The following PKP4 variants were observed in gnomAD, a reference collection of about 807,000 sequenced individuals.
PKP4 encodes plakophilin-4.
In PKP4, 90 loss-of-function variants were observed where a neutral mutation model predicts 145.1. The observed-to-expected ratio is 0.62, with a 90% CI of 0.52 to 0.74. PKP4 has a LOEUF of 0.74. Ranked by LOEUF, PKP4 falls within the 30% of genes least tolerant of loss-of-function variation. The pLI is 0.00. For synonymous variants in PKP4, 563 were observed against 577.2 expected, an observed-to-expected ratio of 0.98 and a Z score of 0.35; for missense variants, 1,340 against 1,482.7, an observed-to-expected ratio of 0.90 and a Z score of 1.58.
At chr2:158,585,857 C>T (rs1460131806) in intron 3 of PKP4, among the ~76,000 whole-genome samples, 1 of 149,404 alleles carries the variant, frequency 6.7e-6, no homozygotes, top group East Asian at 2.0e-4. Flanking sequence ...GCAACCATCA[C>T]CACTACTTAA....
rs1436430381 is a variant in PKP4, at chr2:158,620,370, A to G, written c.281-620A>G. Among the ~76,000 whole-genome samples, 3 of 152,288 alleles carry G rather than the reference A, an allele frequency of 2.0e-5. No individual in the cohort carries two copies. The East Asian group carries it at 5.8e-4, about 29-fold the overall frequency. ...ATGGTACTGTTAAATTAAAGCAGATAATGGAAGAGATGAGTTTGGCTGGAA... is the reference window on the plus strand; with the variant it reads ...ATGGTACTGTTAAATTAAAGCAGATGATGGAAGAGATGAGTTTGGCTGGAA... On this transcript the variant is annotated intron_variant, in intron 4 of 21. Transcript: ENST00000389759.
At chr2:158,576,344 T>G (rs1319599506) in intron 2 of PKP4, among the ~76,000 whole-genome samples, 1 of 152,240 alleles carries the variant, frequency 6.6e-6, no homozygotes, top group Non-Finnish European at 1.5e-5. Flanking sequence ...GAACTAGCAG[T>G]CATCAAATTA....
chr2:158,584,523 G>T (rs2048630665), intron 3 of PKP4, among the ~76,000 whole-genome samples: 1 of 152,144 alleles, frequency 6.6e-6, no homozygotes, highest in African/African-American at 2.4e-5. Flanking sequence ...TTCTTGTGTA[G>T]CAAAACTGGA....
chr2:158,542,198 T>C (rs1179201688), intron 2 of PKP4, among the ~76,000 whole-genome samples: 2 of 152,200 alleles, frequency 1.3e-5, no homozygotes, highest in Non-Finnish European at 2.9e-5. Flanking sequence ...ACTGGAGATT[T>C]CCCATTGTCC....
chr2:158,509,577 G>A (rs1342139873), intron 1 of PKP4, among the ~76,000 whole-genome samples: 1 of 152,156 alleles, frequency 6.6e-6, no homozygotes, highest in Non-Finnish European at 1.5e-5. Flanking sequence ...ATTATTGGTG[G>A]AATTATAGCT....
intron 2 of PKP4, among the ~76,000 whole-genome samples, chr2:158,544,809 A>G (rs2044835047): frequency 6.6e-6 from 1 of 152,204 alleles, no homozygotes; most frequent in South Asian, 2.1e-4. Context: ...TGCAGAAGAC[A>G]AACACTGTGT....
At chr2:158,467,881 AATAG>A (rs1690897348) in intron 1 of PKP4, among the ~76,000 whole-genome samples, 1 of 152,120 alleles carries the variant, frequency 6.6e-6, no homozygotes, top group Non-Finnish European at 1.5e-5. Flanking sequence ...ATATTATATA[AATAG>A]ATTTATAAAG....
At chr2:158,579,184 T>C (rs2048117021) in intron 3 of PKP4, among the ~76,000 whole-genome samples, 1 of 152,124 alleles carries the variant, frequency 6.6e-6, no homozygotes, top group Non-Finnish European at 1.5e-5. Context: ...CACAGTGAGA[T>C]AGTATAAAAC....
At chr2:158,528,474 C>T (rs867406970) in intron 1 of PKP4, among the ~76,000 whole-genome samples, 1 of 73,936 alleles carries the variant, frequency 1.4e-5, no homozygotes, top group South Asian at 5.4e-4. Context: ...ATATCACACT[C>T]TGGGGACTGT....
At chr2:158,576,487 A>G (rs72937002) in intron 2 of PKP4, among the ~76,000 whole-genome samples, 1 of 152,268 alleles carries the variant, frequency 6.6e-6, no homozygotes, top group Admixed American at 6.5e-5. Context: ...ATAACATGAC[A>G]TGTTTTCTAC....
intron 9 of PKP4, among the ~76,000 whole-genome samples, chr2:158,637,951 T>C (rs1296150606): frequency 6.6e-6 from 1 of 152,238 alleles, no homozygotes; most frequent in Non-Finnish European, 1.5e-5. Context: ...ATTGCCCAGC[T>C]CTGGCAGGAG....
chr2:158,553,838 T>C (rs1212235841), intron 2 of PKP4, among the ~76,000 whole-genome samples: 1 of 152,182 alleles, frequency 6.6e-6, no homozygotes, highest in East Asian at 1.9e-4. Flanking sequence ...CTCCAGGATG[T>C]ATTATACTCA....
intron 1 of PKP4, among the ~76,000 whole-genome samples, chr2:158,478,529 A>G (rs949706760): frequency 6.6e-5 from 10 of 152,240 alleles, no homozygotes; most frequent in Admixed American, 3.9e-4. Flanking sequence ...TGCCTTGGCA[A>G]TAGCTCATCG....
intron 9 of PKP4, among the ~76,000 whole-genome samples, chr2:158,640,045 T>A (rs1017234609): frequency 1.3e-5 from 2 of 152,344 alleles, no homozygotes; most frequent in Admixed American, 6.5e-5. Context: ...TGCACACATA[T>A]ATAGAAAAAC....
intron 4 of PKP4, among the ~76,000 whole-genome samples, chr2:158,618,957 G>C (rs2051926402): frequency 6.6e-6 from 1 of 152,112 alleles, no homozygotes; most frequent in Non-Finnish European, 1.5e-5. Flanking sequence ...TTCCAAGACA[G>C]AACATTTTTC....
intron 1 of PKP4, among the ~76,000 whole-genome samples, chr2:158,470,361 C>T (rs1691361020): frequency 6.6e-6 from 1 of 152,156 alleles, no homozygotes; most frequent in Non-Finnish European, 1.5e-5. Flanking sequence ...CCTTCCTGAA[C>T]CCTCCACATC....
intron 12 of PKP4, chr2:158,660,806 A>G (rs1202618930): frequency 1.3e-5 from 2 of 152,206 alleles, no homozygotes; most frequent in Non-Finnish European, 2.9e-5. Flanking sequence ...TCCAAAAAAC[A>G]TTTAATGACC....
chr2:158,660,787 C>T (rs2056494531), intron 12 of PKP4: 1 of 151,948 alleles, frequency 6.6e-6, no homozygotes, highest in Admixed American at 6.6e-5. Flanking sequence ...TATATGTTTC[C>T]TCTGTTCATC....
chr2:158,621,112 G>C lies in PKP4; in HGVS notation c.403G>C (p.Glu135Gln). The C allele has an allele frequency of 6.2e-7, 1 of 1,614,168 alleles. No homozygotes were observed. Among genetic ancestry groups the C allele is most frequent in the Non-Finnish European group, 8.5e-7 (1 of 1,180,018 alleles). Reference sequence around the variant, plus strand: ...TTCACCAGAACAGACATCTCTCCATGAAAGTGAGGGTCTGTTGTGTTATCT... The same window carrying C: ...TTCACCAGAACAGACATCTCTCCATCAAAGTGAGGGTCTGTTGTGTTATCT... ...LYSPEQTSLH[E>Q]SEGSLGNSRS... The change falls in exon 5 of 22, where the codon GAA becomes CAA. Residue 135 changes from glutamate to glutamine, a missense_variant. By Grantham distance (29) the Glu-to-Gln change is conservative (BLOSUM62 2). Transcript: ENST00000389759.
Sources: gnomAD v4.1 joint callset for allele counts (sites outside exome capture counted in the v4.1 genomes callset) on GRCh38, gnomAD v4.1.1 for gene constraint, MANE v1.5 for transcripts, NCBI Gene and HGNC (gene_info 2026-07-23, HGNC 2026-07-21) for gene names.